Variants in CAND1 observed in about 807,000 individuals in gnomAD.
CAND1 encodes cullin associated and neddylation dissociated 1, also known as cullin-associated NEDD8-dissociated protein 1.
CAND1 carries 7 observed loss-of-function variants against 108.5 expected under a neutral mutation model. The observed-to-expected ratio is 0.06, with a 90% CI of 0.04 to 0.12. CAND1 has a LOEUF of 0.12. Among genes scored for constraint, CAND1 ranks in the 10% least tolerant of loss-of-function variants. The probability of loss-of-function intolerance (pLI) is 1.00; values close to 1 mark genes in which losing one functional copy is unlikely to be tolerated. For missense variants in CAND1, 941 were observed against 1,448.7 expected, an observed-to-expected ratio of 0.65 and a Z score of 5.69; for synonymous variants, 534 against 512.0, an observed-to-expected ratio of 1.04 and a Z score of -0.58.
chr12:67,280,170 T>A (rs920500969), intron 1 of CAND1, among the ~76,000 whole-genome samples: 9 of 152,330 alleles, frequency 5.9e-5, no homozygotes, highest in East Asian at 1.9e-4. Flanking sequence ...TAAGCTTTTT[T>A]AAAAATAAGC....
rs1396437168 is a variant in CAND1 at position 67,315,809 on chromosome 12, G to T, written c.*2979G>T. ...CTTTATATCTAGTTCAGTCTCAGATGTATGAATATGATTATATAGTCATGA... is the reference window on the plus strand; with the variant it reads ...CTTTATATCTAGTTCAGTCTCAGATTTATGAATATGATTATATAGTCATGA... On this transcript the variant is annotated 3_prime_UTR_variant, in exon 15 of 15. Transcript: ENST00000545606. The T allele has an allele frequency of 6.6e-6, 1 of 152,094 alleles. No homozygotes were observed. Among genetic ancestry groups the T allele is most frequent in the Non-Finnish European group, 1.5e-5 (1 of 68,022 alleles). 9.4% of individuals were successfully genotyped at this position (152,094 alleles called of 1,614,324 possible).
Position 67,318,550 on chromosome 12 carries a change from T to G in CAND1, c.*5720T>G, listed in dbSNP as rs2045030916. 6.6e-6 allele frequency: 1 copy of G among 152,352 alleles called. No individual in the cohort carries two copies. The highest frequency in any genetic ancestry group is 6.5e-5 in the Admixed American group (1 of 15,300). The allele number at this position is 152,352 out of a possible 1,614,324, so 9.4% of individuals were successfully genotyped here. On this transcript the variant is annotated 3_prime_UTR_variant, in exon 15 of 15. Transcript: ENST00000545606. ...GTCCCTTTTATTTCCTAAATATCTC[T>G]CATGCCCATCTCCTAAATATCTCTT...
In CAND1 at chr12:67,305,450, A is replaced by G; in HGVS notation, c.1782A>G (p.Gly594=). 6.2e-7 allele frequency: 1 copy of G among 1,613,654 alleles called. No homozygotes were observed. The highest frequency in any genetic ancestry group is 8.5e-7 in the Non-Finnish European group (1 of 1,180,010). Residue 594 remains glycine, a synonymous_variant, in exon 10 of 15, where the codon GGA becomes GGG. Coordinates refer to ENST00000545606, the MANE Select transcript of CAND1 (RefSeq NM_018448.5). The surrounding 1 kb of genome is among the most constrained non-coding windows in gnomAD (Gnocchi z 4.4). ...AGGAAAGGGCTATTTCCTGTATGGG[A>G]CAAATTATTTGCAACCTTGGAGACA... The part of the protein sequence containing the change: ...EVKERAISCM[G]QIICNLGDNL...
intron 3 of CAND1, among the ~76,000 whole-genome samples, chr12:67,294,019 G>T (rs1051842211): frequency 6.6e-6 from 1 of 152,106 alleles, no homozygotes; most frequent in African/African-American, 2.4e-5. Context: ...ATCGAAAAAG[G>T]ATGCTTTCTT....
Position 67,306,369 on chromosome 12 carries a change from A to G in CAND1, c.2701A>G (p.Ser901Gly). The G allele has an allele frequency of 6.2e-7, 1 of 1,614,102 alleles. No homozygotes were observed. The highest frequency in any genetic ancestry group is 1.7e-5 in the Admixed American group (1 of 60,008). Reference protein sequence around the residue: ...YLPFVLQEITSQPKRQYLLLH... With the variant: ...YLPFVLQEITGQPKRQYLLLH... ...GCCGTTTGTCCTGCAAGAAATAACTAGTCAACCCAAAAGGCAGTATCTTTT... is the reference window on the plus strand; with the variant it reads ...GCCGTTTGTCCTGCAAGAAATAACTGGTCAACCCAAAAGGCAGTATCTTTT... The change falls in exon 10 of 15, where the codon AGT becomes GGT. Residue 901 changes from serine (S) to glycine (G), a missense_variant. Ser to Gly is a moderately conservative substitution (Grantham distance 56). Transcript: ENST00000545606.
chr12:67,286,475 C>A (rs1294306582), intron 2 of CAND1, among the ~76,000 whole-genome samples: 1 of 151,972 alleles, frequency 6.6e-6, no homozygotes. Context: ...TAATTTTAGC[C>A]ACTTCAGTAG....
chr12:67,290,488 C>T (rs750879737), intron 2 of CAND1, among the ~76,000 whole-genome samples: 3 of 151,250 alleles, frequency 2.0e-5, no homozygotes, highest in Non-Finnish European at 2.9e-5. Flanking sequence ...TCCAGCCTGG[C>T]GACAAAGCAA....
intron 1 of CAND1, among the ~76,000 whole-genome samples, chr12:67,280,343 T>C (rs1592605112): frequency 6.6e-6 from 1 of 152,238 alleles, no homozygotes; most frequent in East Asian, 1.9e-4. Context: ...TTACATGTAA[T>C]GCATTTCTAA....
chr12:67,299,538 G>C (rs540758433), intron 7 of CAND1, among the ~76,000 whole-genome samples: 210 of 152,232 alleles, frequency 1.4e-3, no homozygotes, highest in Middle Eastern at 0.01. Flanking sequence ...AGAAAGAATT[G>C]AATCTGTAGA....
intron 2 of CAND1, among the ~76,000 whole-genome samples, chr12:67,289,585 C>G (rs960000502): frequency 5.3e-5 from 8 of 152,176 alleles, no homozygotes; most frequent in Non-Finnish European, 1.2e-4. Flanking sequence ...CAGGGTTTCA[C>G]CATGTTGCCC....
rs371946362 is a variant in CAND1, at chr12:67,310,075, G to C, written c.3195+5G>C. 8.7e-6 allele frequency: 14 copies of C among 1,610,870 alleles called. No homozygotes were observed. In the Admixed American group the frequency reaches 2.2e-4, roughly 25 times the overall value. On this transcript the variant is annotated splice_donor_5th_base_variant and intron_variant, in intron 12 of 14. Coordinates refer to ENST00000545606, the MANE Select transcript of CAND1 (RefSeq NM_018448.5). ...AGAAAGGAGCTTATAAGAGAGGTAA[G>C]TTAGATCACACTGTTTATTTGAGCT...
At chr12:67,301,445 G>A (rs1023576639) in intron 7 of CAND1, among the ~76,000 whole-genome samples, 13 of 152,086 alleles carry the variant, frequency 8.5e-5, no homozygotes, top group African/African-American at 2.9e-4. Context: ...AGACTATCAT[G>A]ATAACTGCTA....
At chr12:67,275,278 G>A (rs1048672357) in intron 1 of CAND1, among the ~76,000 whole-genome samples, 10 of 152,104 alleles carry the variant, frequency 6.6e-5, no homozygotes, top group African/African-American at 2.4e-4. Context: ...TGTAATTCCA[G>A]CACTTTGGGA....
In CAND1 at chr12:67,314,631, A is replaced by G. The variant is rs1032208302; in HGVS notation, c.*1801A>G. ...GGCTCTAGGACTGAACAGGAGACTG[A>G]CATGCATATGTTGTGTGAATGTCTT... On this transcript the variant is annotated 3_prime_UTR_variant, in exon 15 of 15. Coordinates refer to ENST00000545606, the MANE Select transcript of CAND1 (RefSeq NM_018448.5). 5 of 152,238 alleles carry G rather than the reference A, an allele frequency of 3.3e-5. No individual in the cohort carries two copies. Among genetic ancestry groups the G allele is most frequent in the African/African-American group, 9.6e-5 (4 of 41,460 alleles). The allele number at this position is 152,238 out of a possible 1,614,324, so 9.4% of individuals were successfully genotyped here.
chr12:67,285,028 A>T (rs1386821477), intron 2 of CAND1, among the ~76,000 whole-genome samples: 1 of 152,190 alleles, frequency 6.6e-6, no homozygotes, highest in Non-Finnish European at 1.5e-5. Flanking sequence ...AGGATGTAAA[A>T]TTTACAAAGT....
chr12:67,305,347 A>T lies in CAND1; in HGVS notation c.1679A>T (p.Asp560Val), dbSNP rs2044870135. The change falls in exon 10 of 15, where the codon GAT becomes GTT. Residue 560 changes from aspartate (D) to valine (V), a missense_variant. Asp to Val is a radical substitution (Grantham distance 152). Coordinates refer to ENST00000545606, the MANE Select transcript of CAND1 (RefSeq NM_018448.5). This position sits in a 1 kb window ranked among gnomAD's most constrained non-coding sequence, Gnocchi z 4.4. ...CCTTTAGATCAGCCTTCCTCGTTTG[A>T]TGCAACTCCTTATATCAAAGATCTA... Reference protein sequence around the residue: ...IRPLDQPSSFDATPYIKDLFT... With the variant: ...IRPLDQPSSFVATPYIKDLFT... The T allele has an allele frequency of 1.2e-6, 2 of 1,614,138 alleles. No homozygotes were observed. Among genetic ancestry groups the T allele is most frequent in the Middle Eastern group, 1.6e-4 (1 of 6,062 alleles).
chr12:67,308,779 T>A (rs12832921), intron 11 of CAND1, among the ~76,000 whole-genome samples: 5,056 of 152,136 alleles, frequency 0.033, 128 homozygotes, highest in Non-Finnish European at 0.051. Flanking sequence ...ATTAGTTTGG[T>A]ACATTTATAT....
rs2045015046 is a variant in CAND1, at chr12:67,317,192, C to T, written c.*4362C>T. The T allele has an allele frequency of 6.6e-6, 1 of 152,280 alleles. No homozygotes were observed. Among genetic ancestry groups the T allele is most frequent in the Non-Finnish European group, 1.5e-5 (1 of 68,100 alleles). The allele number at this position is 152,280 out of a possible 1,614,324, so 9.4% of individuals were successfully genotyped here. The stretch of plus-strand genomic sequence containing the variant: ...TCACTCTGTTGCCTGGACTGGAGTA[C>T]ATAGCACGAACATGGTTTACTGCAC... On this transcript the variant is annotated 3_prime_UTR_variant, in exon 15 of 15. Coordinates refer to ENST00000545606, the MANE Select transcript of CAND1 (RefSeq NM_018448.5).
At position 67,305,729 on chromosome 12, in the gene CAND1, T is replaced by C. The variant is rs751705789; in HGVS notation, c.2061T>C (p.Ala687=). Residue 687 remains alanine (A), a synonymous_variant, in exon 10 of 15, where the codon GCT becomes GCC. Transcript: ENST00000545606. This position sits in a 1 kb window ranked among gnomAD's most constrained non-coding sequence, Gnocchi z 4.4. The part of the protein sequence containing the change: ...LIKNYSDSLT[A]AMIDAVLDEL... ...AAAACTATAGTGACAGCTTGACAGCTGCCATGATTGATGCAGTTCTAGATG... is the reference window on the plus strand; with the variant it reads ...AAAACTATAGTGACAGCTTGACAGCCGCCATGATTGATGCAGTTCTAGATG... The C allele has an allele frequency of 3.1e-6, 5 of 1,614,206 alleles. No individual in the cohort carries two copies. The East Asian group carries it at 1.1e-4, about 36-fold the overall frequency.
Sources: allele counts gnomAD v4.1 joint callset (sites outside exome capture counted in the v4.1 genomes callset), GRCh38; gene constraint gnomAD v4.1.1; non-coding constraint Gnocchi (gnomAD v3.1); transcripts MANE v1.5; gene names NCBI Gene and HGNC (gene_info 2026-07-23, HGNC 2026-07-21).